EXT2: variants seen among roughly 807,000 people sequenced by gnomAD.
The protein encoded by EXT2 is exostosin-2.
In EXT2, 53 loss-of-function variants were observed where a neutral mutation model predicts 81.6. The observed-to-expected ratio is 0.65, with a 90% CI of 0.52 to 0.82. The LOEUF (loss-of-function observed/expected upper bound fraction) is 0.82, where lower values mean the gene tolerates loss of function less well. EXT2 is among the 40% of genes least tolerant of loss of function. EXT2 has a pLI of 0.00. For synonymous variants in EXT2, 320 were observed against 340.0 expected (o/e 0.94, Z 0.65); for missense variants, 774 against 910.2 (o/e 0.85, Z 1.93).
intron 10 of EXT2, among the ~76,000 whole-genome samples, chr11:44,225,494 T>C (rs1365282276): frequency 6.6e-6 from 1 of 152,160 alleles, no homozygotes; most frequent in Admixed American, 6.5e-5. Flanking sequence ...CCCTGCCTCC[T>C]CTCCCTACCT....
chr11:44,121,142 G>T (rs554619023), intron 4 of EXT2, among the ~76,000 whole-genome samples: 1 of 152,204 alleles, frequency 6.6e-6, no homozygotes, highest in East Asian at 1.9e-4. Flanking sequence ...AAGCCCTAGT[G>T]GGGTGGGAGC....
intron 10 of EXT2, among the ~76,000 whole-genome samples, chr11:44,226,375 C>T (rs931439681): frequency 8.5e-5 from 13 of 152,194 alleles, no homozygotes; most frequent in African/African-American, 3.1e-4. Flanking sequence ...CAAAACTAGT[C>T]AGCATTAGGG....
intron 8 of EXT2, among the ~76,000 whole-genome samples, chr11:44,187,945 C>T (rs1012097434): frequency 6.6e-6 from 1 of 152,120 alleles, no homozygotes; most frequent in Admixed American, 6.5e-5. Context: ...TAATTGTTTT[C>T]ATCTTGTACC....
chr11:44,197,471 T>C (rs1201730895), intron 8 of EXT2, among the ~76,000 whole-genome samples: 1 of 152,154 alleles, frequency 6.6e-6, no homozygotes, highest in Non-Finnish European at 1.5e-5. Context: ...CCATCAGCTG[T>C]TGTCTCTTCT....
chr11:44,096,443 C>T (rs1196675830), intron 1 of EXT2: 2 of 1,047,970 alleles, frequency 1.9e-6, no homozygotes, highest in East Asian at 2.6e-5. Flanking sequence ...ACTGGGTGGC[C>T]GGGGTCATGT....
chr11:44,152,582 C>T lies in EXT2; in HGVS notation c.1174-19029C>T, dbSNP rs570321032. ...GCCAGGCTGGTCTTGAACTCCTGAC[C>T]TCAGGTGATCTGCCCTCCTCGCCTT... On this transcript the variant is annotated intron_variant, in intron 7 of 13. Coordinates refer to ENST00000533608, the MANE Select transcript of EXT2 (RefSeq NM_207122.2). 1.4e-4 allele frequency among the ~76,000 whole-genome samples: 22 copies of T among 152,270 alleles called. No individual in the cohort carries two copies. In the South Asian group the frequency reaches 4.6e-3, roughly 32 times the overall value.
intron 4 of EXT2, among the ~76,000 whole-genome samples, chr11:44,116,991 C>T (rs1320277077): frequency 7.9e-4 from 109 of 137,716 alleles, no homozygotes; most frequent in African/African-American, 2.9e-3. Flanking sequence ...TTTTTTGAGA[C>T]GGAGTTTTGC....
intron 7 of EXT2, among the ~76,000 whole-genome samples, chr11:44,136,553 T>G (rs2135045872): frequency 6.6e-6 from 1 of 152,312 alleles, no homozygotes; most frequent in Admixed American, 6.5e-5. Flanking sequence ...CATTTAGGAC[T>G]GGACACAGCC....
At chr11:44,158,478 G>A (rs1413171909) in intron 7 of EXT2, among the ~76,000 whole-genome samples, 1 of 151,886 alleles carries the variant, frequency 6.6e-6, no homozygotes, top group Admixed American at 6.6e-5. Flanking sequence ...CCACTATCGA[G>A]ACCTGCTGCT....
chr11:44,208,291 G>GA (rs1243875951), intron 10 of EXT2, among the ~76,000 whole-genome samples: 1 of 151,964 alleles, frequency 6.6e-6, no homozygotes, highest in Non-Finnish European at 1.5e-5. Context: ...AAGAGAGGTG[G>GA]AAAAAAGGAA....
At chr11:44,123,586 A>G (rs1377883135) in intron 4 of EXT2, among the ~76,000 whole-genome samples, 1 of 152,216 alleles carries the variant, frequency 6.6e-6, no homozygotes, top group East Asian at 1.9e-4. Flanking sequence ...TGATTTTTTC[A>G]GATTTTGGAG....
At chr11:44,183,720 T>C (rs1955268798) in intron 8 of EXT2, among the ~76,000 whole-genome samples, 1 of 152,196 alleles carries the variant, frequency 6.6e-6, no homozygotes, top group African/African-American at 2.4e-5. Context: ...GACTAATGTG[T>C]TTTTTACCCA....
chr11:44,232,134 A>G (rs1955906549), intron 10 of EXT2, among the ~76,000 whole-genome samples: 1 of 152,210 alleles, frequency 6.6e-6, no homozygotes, highest in African/African-American at 2.4e-5. Flanking sequence ...CCAAGCATAT[A>G]CAAGAAGATT....
rs1000830448 is a variant in EXT2 at position 44,246,825 on chromosome 11, G to A, written c.*2538G>A. Reference sequence around the variant, plus strand: ...GCTTAGGTCAGGATCATCTGTCCTCGGGATGCCATAGAGCCTGGTTTCAGA... The same window carrying A: ...GCTTAGGTCAGGATCATCTGTCCTCAGGATGCCATAGAGCCTGGTTTCAGA... On this transcript the variant is annotated 3_prime_UTR_variant, in exon 14 of 14. Transcript: ENST00000533608. Among the ~76,000 whole-genome samples, 1 of 152,208 alleles carries A rather than the reference G, an allele frequency of 6.6e-6. No individual in the cohort carries two copies. The highest frequency in any genetic ancestry group is 1.5e-5 in the Non-Finnish European group (1 of 68,036).
chr11:44,172,241 T>C (rs1444835925), intron 8 of EXT2, among the ~76,000 whole-genome samples: 1 of 152,194 alleles, frequency 6.6e-6, no homozygotes, highest in Non-Finnish European at 1.5e-5. Flanking sequence ...AGTCATTTGC[T>C]CAAGATTGTG....
chr11:44,245,444 T>C lies in EXT2; in HGVS notation c.*1157T>C, dbSNP rs1956085408. The C allele has an allele frequency of 5.4e-6, 1 of 186,910 alleles. No homozygotes were observed. Among genetic ancestry groups the C allele is most frequent in the African/African-American group, 2.3e-5 (1 of 42,772 alleles). The allele number at this position is 186,910 out of a possible 1,614,324, so 11.6% of individuals were successfully genotyped here. The stretch of plus-strand genomic sequence containing the variant: ...ACTAATACTGCACATGTGTGAATTA[T>C]ACCTCTTTAAGCCCAGTTGATGAAC... On this transcript the variant is annotated 3_prime_UTR_variant, in exon 14 of 14. Coordinates refer to ENST00000533608, the MANE Select transcript of EXT2 (RefSeq NM_207122.2).
chr11:44,218,939 A>C (rs1429495396), intron 10 of EXT2, among the ~76,000 whole-genome samples: 6 of 151,450 alleles, frequency 4.0e-5, no homozygotes, highest in Non-Finnish European at 7.4e-5. Context: ...CTGGGATTAC[A>C]GGAACCTGCC....
intron 4 of EXT2, among the ~76,000 whole-genome samples, chr11:44,121,920 A>G (rs1389765785): frequency 6.6e-6 from 1 of 151,976 alleles, no homozygotes; most frequent in Non-Finnish European, 1.5e-5. Flanking sequence ...TCTTCTCTTA[A>G]GCAGAAGCTC....
At position 44,097,131 on chromosome 11, in the gene EXT2, T is replaced by C. The variant is rs116502961; in HGVS notation, c.-31+1279T>C. On this transcript the variant is annotated intron_variant, in intron 1 of 13. Coordinates refer to ENST00000533608, the MANE Select transcript of EXT2 (RefSeq NM_207122.2). ...ACTATCCCCATCTGTAAAATGAGGG[T>C]AATAATAGCTTGGCTTATAGTGCTG... 9.2e-3 allele frequency among the ~76,000 whole-genome samples: 1,394 copies of C among 152,274 alleles called. 21 individuals carry two copies. The highest frequency in any genetic ancestry group is 0.032 in the African/African-American group (1,339 of 41,524).
Sources: gnomAD v4.1 joint callset for allele counts (sites outside exome capture counted in the v4.1 genomes callset) on GRCh38, gnomAD v4.1.1 for gene constraint, MANE v1.5 for transcripts, NCBI Gene and HGNC (gene_info 2026-07-23, HGNC 2026-07-21) for gene names.